Variants in NTRK3 observed in about 807,000 individuals in gnomAD.
The protein encoded by NTRK3 is neurotrophic receptor tyrosine kinase 3.
Under a neutral mutation model 91.7 loss-of-function variants are expected in NTRK3, and 24 were observed. The observed-to-expected ratio is 0.26, with a 90% CI of 0.19 to 0.37. NTRK3 has a LOEUF of 0.37. Ranked by LOEUF, NTRK3 falls within the 10% of genes least tolerant of loss-of-function variation. The pLI is 1.00. For missense variants in NTRK3, 880 were observed against 1,068.9 expected (o/e 0.82, Z 2.46); for synonymous variants, 483 against 404.0 (o/e 1.20, Z -2.34).
intron 14 of NTRK3, among the ~76,000 whole-genome samples, chr15:87,958,933 T>G (rs977076664): frequency 1.3e-5 from 2 of 152,146 alleles, no homozygotes; most frequent in Admixed American, 6.5e-5. Context: ...ACTCTATCAT[T>G]GCTTACGGAA....
rs563886966 is a variant in NTRK3 at position 88,237,797 on chromosome 15, C to T, written c.248+18109G>A. Among the ~76,000 whole-genome samples, 1 of 152,214 alleles carries T rather than the reference C, an allele frequency of 6.6e-6. No homozygotes were observed. Among genetic ancestry groups the T allele is most frequent in the African/African-American group, 2.4e-5 (1 of 41,532 alleles). Reference sequence around the variant, plus strand: ...GAAAAAAAAAATCAGCCTTGATGAACTTCCACAGAATTCTGCACTCAGAAA... The same window carrying T: ...GAAAAAAAAAATCAGCCTTGATGAATTTCCACAGAATTCTGCACTCAGAAA... On this transcript the variant is annotated intron_variant, in intron 3 of 18. Coordinates refer to ENST00000394480, the Ensembl canonical transcript of NTRK3. This position sits in a 1 kb window ranked among gnomAD's most constrained non-coding sequence, Gnocchi z 4.0.
At chr15:88,156,732 G>C (rs1427634481) in intron 5 of NTRK3, among the ~76,000 whole-genome samples, 1 of 152,174 alleles carries the variant, frequency 6.6e-6, no homozygotes, top group Non-Finnish European at 1.5e-5. Context: ...CTGCGTCTCA[G>C]ACTGCTGGCC....
intron 14 of NTRK3, among the ~76,000 whole-genome samples, chr15:88,013,109 C>T (rs1422177712): frequency 1.7e-5 from 1 of 57,716 alleles, no homozygotes; most frequent in African/African-American, 7.3e-5. Flanking sequence ...TAAAGACCCA[C>T]TACCAGCAGC....
chr15:88,108,691 C>T (rs1353677685), intron 13 of NTRK3, among the ~76,000 whole-genome samples: 2 of 152,194 alleles, frequency 1.3e-5, no homozygotes, highest in Non-Finnish European at 2.9e-5. Context: ...ATGACACTTT[C>T]CAAAATAAAA....
intron 14 of NTRK3, among the ~76,000 whole-genome samples, chr15:87,957,620 C>T (rs774040636): frequency 1.5e-5 from 2 of 130,376 alleles, no homozygotes; most frequent in East Asian, 2.1e-4. Context: ...ACTATAATTA[C>T]GTTAACACAG....
At chr15:87,891,219 A>G (rs1289569308) in intron 17 of NTRK3, among the ~76,000 whole-genome samples, 1 of 152,222 alleles carries the variant, frequency 6.6e-6, no homozygotes, top group Non-Finnish European at 1.5e-5. Flanking sequence ...TTCTGTCCTT[A>G]GAATCTACCT....
At chr15:87,886,735 TAA>T (rs2065577035) in intron 17 of NTRK3, among the ~76,000 whole-genome samples, 1 of 127,694 alleles carries the variant, frequency 7.8e-6, no homozygotes, top group East Asian at 2.3e-4. Flanking sequence ...CACACACACA[TAA>T]ACACACACAC....
chr15:87,891,307 T>C (rs1423948149), intron 17 of NTRK3, among the ~76,000 whole-genome samples: 1 of 152,220 alleles, frequency 6.6e-6, no homozygotes, highest in African/African-American at 2.4e-5. Context: ...AAGCCACCAG[T>C]GTAATACACA....
At chr15:88,034,506 T>G (rs1474163547) in intron 13 of NTRK3, among the ~76,000 whole-genome samples, 1 of 152,252 alleles carries the variant, frequency 6.6e-6, no homozygotes, top group Non-Finnish European at 1.5e-5. Flanking sequence ...TGTGACTGTT[T>G]GTGGCTTCAT....
At chr15:88,157,447 C>T (rs888060262) in intron 5 of NTRK3, among the ~76,000 whole-genome samples, 35 of 152,094 alleles carry the variant, frequency 2.3e-4, no homozygotes, top group African/African-American at 7.2e-4. Flanking sequence ...TGTGCTGCCT[C>T]GGCAGGGCCC....
At chr15:87,884,530 TAATA>T (rs1442566924) in intron 17 of NTRK3, among the ~76,000 whole-genome samples, 3 of 151,770 alleles carry the variant, frequency 2.0e-5, no homozygotes, top group African/African-American at 4.8e-5. Flanking sequence ...TATATTTACA[TAATA>T]AATATCAACA....
At chr15:88,198,836 G>A (rs929552724) in intron 3 of NTRK3, among the ~76,000 whole-genome samples, 3 of 152,110 alleles carry the variant, frequency 2.0e-5, no homozygotes, top group Non-Finnish European at 4.4e-5. Context: ...AAGGGCCCAA[G>A]AAGCACAAAA....
At chr15:87,999,433 T>C (rs2075943264) in intron 14 of NTRK3, among the ~76,000 whole-genome samples, 1 of 152,240 alleles carries the variant, frequency 6.6e-6, no homozygotes, top group Non-Finnish European at 1.5e-5. Flanking sequence ...TACCAGATAC[T>C]GTCACTCCCA....
chr15:87,900,734 G>A (rs1200259913), intron 17 of NTRK3, among the ~76,000 whole-genome samples: 1 of 96,350 alleles, frequency 1.0e-5, no homozygotes, highest in African/African-American at 3.7e-5. Flanking sequence ...TGTGTGTGCT[G>A]TAGGCAGTGA....
At chr15:88,102,912 G>A (rs750029798) in intron 13 of NTRK3, among the ~76,000 whole-genome samples, 3 of 152,184 alleles carry the variant, frequency 2.0e-5, no homozygotes, top group Non-Finnish European at 4.4e-5. Flanking sequence ...TGATGAAGGC[G>A]TTTTGATGGT....
At chr15:88,004,960 C>T (rs928339213) in intron 14 of NTRK3, among the ~76,000 whole-genome samples, 2 of 152,094 alleles carry the variant, frequency 1.3e-5, no homozygotes, top group Admixed American at 6.5e-5. Flanking sequence ...CAATGCCTAG[C>T]AAAGTGGTAT....
chr15:87,985,515 C>A (rs1330028615), intron 14 of NTRK3, among the ~76,000 whole-genome samples: 1 of 152,166 alleles, frequency 6.6e-6, no homozygotes, highest in African/African-American at 2.4e-5. Context: ...GAGTACTGAA[C>A]TGAGACCCCC....
chr15:88,174,758 G>A (rs932209771), intron 5 of NTRK3, among the ~76,000 whole-genome samples: 5 of 152,196 alleles, frequency 3.3e-5, no homozygotes, highest in African/African-American at 1.2e-4. Context: ...GCTGTCACCT[G>A]CTCCATAAGG....
chr15:88,047,164 C>G (rs2080293981), intron 13 of NTRK3, among the ~76,000 whole-genome samples: 1 of 152,148 alleles, frequency 6.6e-6, no homozygotes, highest in Non-Finnish European at 1.5e-5. Context: ...ACTCCCTGAA[C>G]AAGAATGTGT....
Sources: gnomAD v4.1 joint callset for allele counts (sites outside exome capture counted in the v4.1 genomes callset) on GRCh38, gnomAD v4.1.1 for gene constraint, Gnocchi (gnomAD v3.1) non-coding constraint, MANE v1.5 for transcripts, NCBI Gene and HGNC (gene_info 2026-07-23, HGNC 2026-07-21) for gene names.